The following TMC1 variants were observed in gnomAD, a reference collection of about 807,000 sequenced individuals.
TMC1 encodes transmembrane channel like 1.
In TMC1, 84 loss-of-function variants were observed where a neutral mutation model predicts 105.8. The ratio of observed to expected loss-of-function variants is 0.79; its 90% CI spans 0.67 to 0.95. The LOEUF (loss-of-function observed/expected upper bound fraction) is 0.95, where lower values mean the gene tolerates loss of function less well. TMC1 is among the 40% of genes least tolerant of loss of function. TMC1 has a pLI of 0.00. For synonymous variants in TMC1, 315 were observed against 311.5 expected, an observed-to-expected ratio of 1.01 and a Z score of -0.12; for missense variants, 817 against 914.1, an observed-to-expected ratio of 0.89 and a Z score of 1.37.
At chr9:72,560,701 T>C (rs1824030142) in intron 1 of TMC1, among the ~76,000 whole-genome samples, 1 of 151,878 alleles carries the variant, frequency 6.6e-6, no homozygotes, top group African/African-American at 2.4e-5. Context: ...GGTTTTACCG[T>C]GTTAGCCAGG....
At chr9:72,571,695 G>A (rs891318560) in intron 1 of TMC1, among the ~76,000 whole-genome samples, 1 of 151,894 alleles carries the variant, frequency 6.6e-6, no homozygotes, top group Admixed American at 6.6e-5. Context: ...AAGCAATACC[G>A]TATATAGTAA....
intron 1 of TMC1, among the ~76,000 whole-genome samples, chr9:72,543,745 C>T (rs1480784951): frequency 6.6e-6 from 1 of 151,980 alleles, no homozygotes; most frequent in African/African-American, 2.4e-5. Flanking sequence ...CACCACTGTC[C>T]TGCTTAATCT....
chr9:72,824,051 G>A (rs937810700), intron 20 of TMC1, among the ~76,000 whole-genome samples: 4 of 152,310 alleles, frequency 2.6e-5, no homozygotes, highest in East Asian at 3.9e-4. Context: ...CTGTCTACTC[G>A]GCCTGCTGTG....
intron 1 of TMC1, among the ~76,000 whole-genome samples, chr9:72,566,595 T>C (rs17057904): frequency 0.43 from 65,889 of 151,858 alleles, 14,746 homozygotes; most frequent in African/African-American, 0.54. Context: ...TAATGCTGCG[T>C]TGTGAAAGGT....
intron 1 of TMC1, among the ~76,000 whole-genome samples, chr9:72,555,071 GT>G (rs1823907640): frequency 6.6e-6 from 1 of 151,792 alleles, no homozygotes; most frequent in South Asian, 2.1e-4. Flanking sequence ...TAGAGAAGGG[GT>G]TTCACCATGT....
At chr9:72,747,069 G>T (rs1827501744) in intron 10 of TMC1, among the ~76,000 whole-genome samples, 1 of 152,006 alleles carries the variant, frequency 6.6e-6, no homozygotes, top group Non-Finnish European at 1.5e-5. Context: ...ATTTTTCTCA[G>T]GATCAAAATC....
intron 17 of TMC1, among the ~76,000 whole-genome samples, chr9:72,796,018 CA>C (rs920525038): frequency 4.0e-4 from 58 of 144,602 alleles, no homozygotes; most frequent in Non-Finnish European, 3.5e-4. Context: ...TTCCCAATTT[CA>C]AAAAAAAAAT....
At chr9:72,721,001 G>A (rs1314259103) in intron 8 of TMC1, among the ~76,000 whole-genome samples, 2 of 152,106 alleles carry the variant, frequency 1.3e-5, no homozygotes, top group African/African-American at 4.8e-5. Flanking sequence ...ATGATGTAAT[G>A]TAAAATGCAA....
At chr9:72,792,765 A>G (rs1272963816) in intron 17 of TMC1, among the ~76,000 whole-genome samples, 1 of 152,242 alleles carries the variant, frequency 6.6e-6, no homozygotes, top group Non-Finnish European at 1.5e-5. Flanking sequence ...GGGGGTGGCC[A>G]AGACAGCCAA....
intron 8 of TMC1, among the ~76,000 whole-genome samples, chr9:72,701,998 C>T (rs1462157640): frequency 1.3e-5 from 2 of 152,104 alleles, no homozygotes; most frequent in Admixed American, 1.3e-4. Context: ...TGTATGCATG[C>T]TCATGTGTCT....
At chr9:72,608,558 A>G (rs553664621) in intron 2 of TMC1, among the ~76,000 whole-genome samples, 21 of 152,048 alleles carry the variant, frequency 1.4e-4, no homozygotes, top group African/African-American at 5.1e-4. Context: ...AATACAAAAA[A>G]TAGCCAGGCT....
At chr9:72,628,424 A>C (rs1460146372) in intron 4 of TMC1, 1 of 195,668 alleles carries the variant, frequency 5.1e-6, no homozygotes, top group East Asian at 1.4e-4. Context: ...TGGAAGGCAC[A>C]CATGAATCAT....
chr9:72,539,236 A>AC (rs1048556447), intron 1 of TMC1, among the ~76,000 whole-genome samples: 26 of 151,274 alleles, frequency 1.7e-4, no homozygotes, highest in Middle Eastern at 3.4e-3. Flanking sequence ...TACAAAAAAA[A>AC]AACAACAACA....
intron 19 of TMC1, chr9:72,818,542 C>A (rs1588099420): frequency 6.6e-6 from 1 of 152,316 alleles, no homozygotes; most frequent in East Asian, 1.9e-4. Flanking sequence ...ACTGGGTACT[C>A]TCCCGCCAGG....
At chr9:72,729,202 GA>G (rs932302879) in intron 8 of TMC1, among the ~76,000 whole-genome samples, 23 of 151,684 alleles carry the variant, frequency 1.5e-4, no homozygotes, top group Admixed American at 2.0e-4. Flanking sequence ...CAGAACTAGA[GA>G]AAAAAAATTC....
In TMC1 at chr9:72,530,196, TGAGATGGAG is replaced by T. The variant is rs750656674; in HGVS notation, c.-428+8284_-428+8292del. Among the ~76,000 whole-genome samples the T allele has an allele frequency of 2.8e-4, 43 of 152,264 alleles. 1 individual carries two copies. Among genetic ancestry groups the T allele is most frequent in the Admixed American group, 1.0e-3 (16 of 15,286 alleles). On this transcript the variant is annotated intron_variant, in intron 1 of 23. Coordinates refer to ENST00000297784, the MANE Select transcript of TMC1 (RefSeq NM_138691.3). ...TAGTTTCTTTCTTTCTTTCTTTCTTTGAGATGGAGTCTCACTCTGTTGCCCAGGCTGGAG... is the reference window on the plus strand; with the variant it reads ...TAGTTTCTTTCTTTCTTTCTTTCTTTTCTCACTCTGTTGCCCAGGCTGGAG...
chr9:72,720,953 T>C (rs1827012761), intron 8 of TMC1, among the ~76,000 whole-genome samples: 1 of 152,214 alleles, frequency 6.6e-6, no homozygotes. Flanking sequence ...TAGCTATATT[T>C]AACATATCCT....
intron 11 of TMC1, among the ~76,000 whole-genome samples, chr9:72,754,494 A>G (rs1827640587): frequency 6.6e-6 from 1 of 152,116 alleles, no homozygotes; most frequent in South Asian, 2.1e-4. Context: ...TCCAAGTCAG[A>G]ACAGTTTGGT....
At chr9:72,762,851 T>C (rs368229463) in intron 12 of TMC1, among the ~76,000 whole-genome samples, 2 of 152,110 alleles carry the variant, frequency 1.3e-5, no homozygotes, top group African/African-American at 4.8e-5. Context: ...CCAGTGTGGG[T>C]CTCTTTGGTT....
Sources: allele counts gnomAD v4.1 joint callset (sites outside exome capture counted in the v4.1 genomes callset), GRCh38; gene constraint gnomAD v4.1.1; transcripts MANE v1.5; gene names NCBI Gene and HGNC (gene_info 2026-07-23, HGNC 2026-07-21).